CNST: variants seen among roughly 807,000 people sequenced by gnomAD.
The protein encoded by CNST is consortin.
A neutral mutation model predicts 72.4 loss-of-function variants in CNST; 39 were observed. That is an observed-to-expected ratio of 0.54 (90% confidence interval 0.42 to 0.70). The LOEUF is 0.70. Among genes scored for constraint, CNST ranks in the 30% least tolerant of loss-of-function variants. The probability of loss-of-function intolerance (pLI) is 0.00; values close to 1 mark genes in which losing one functional copy is unlikely to be tolerated. For synonymous variants in CNST, 332 were observed against 320.1 expected, an observed-to-expected ratio of 1.04 and a Z score of -0.40; for missense variants, 871 against 868.5, an observed-to-expected ratio of 1.00 and a Z score of -0.04.
Position 246,647,979 on chromosome 1 carries a change from C to G in CNST, c.1778C>G (p.Pro593Arg). ...EASYSLQENL[P>R]SDESCLSLDD... ...TCCTATAGTCTCCAGGAGAATCTGC[C>G]TTCTGATGAGAGCTGTCTTTCTCTT... Residue 593 changes from proline (P) to arginine (R), a missense_variant, in exon 9 of 11, where the codon CCT (proline) becomes CGT (arginine). Transcript: ENST00000366513. 6.2e-7 allele frequency: 1 copy of G among 1,613,736 alleles called. No homozygotes were observed.
At chr1:246,661,172 G>A (rs1221444251) in intron 10 of CNST, among the ~76,000 whole-genome samples, 5 of 151,906 alleles carry the variant, frequency 3.3e-5, no homozygotes, top group African/African-American at 1.2e-4. Context: ...GTTTCACCAT[G>A]TTGGTCAGGC....
At position 246,637,352 on chromosome 1, in the gene CNST, A is replaced by G. The variant is rs182986208; in HGVS notation, c.818+2765A>G. 3.4e-3 allele frequency among the ~76,000 whole-genome samples: 515 copies of G among 152,328 alleles called. 1 individual carries two copies. Among genetic ancestry groups the G allele is most frequent in the Non-Finnish European group, 4.2e-3 (288 of 68,028 alleles). On this transcript the variant is annotated intron_variant, in intron 6 of 10. Coordinates refer to ENST00000366513, the MANE Select transcript of CNST (RefSeq NM_152609.3). ...ACACGTCTGTGCCTGCAAGACAGTTATGTTGAGAGGACAAGGAGGTGTCGG... is the reference window on the plus strand; with the variant it reads ...ACACGTCTGTGCCTGCAAGACAGTTGTGTTGAGAGGACAAGGAGGTGTCGG...
chr1:246,653,234 C>T (rs1349877693), intron 9 of CNST, among the ~76,000 whole-genome samples: 3 of 152,154 alleles, frequency 2.0e-5, no homozygotes, highest in Non-Finnish European at 4.4e-5. Flanking sequence ...TGTGAGTTTT[C>T]TTCCCTGTTG....
chr1:246,601,878 G>C (rs990444057), intron 2 of CNST, among the ~76,000 whole-genome samples: 1 of 152,074 alleles, frequency 6.6e-6, no homozygotes, highest in Non-Finnish European at 1.5e-5. Flanking sequence ...CACATTCACT[G>C]TGTGTGTGTG....
chr1:246,586,661 C>A (rs894921679), intron 1 of CNST, among the ~76,000 whole-genome samples: 1 of 151,956 alleles, frequency 6.6e-6, no homozygotes, highest in Admixed American at 6.6e-5. Flanking sequence ...ACGATAATTT[C>A]TAATGGGGCG....
At chr1:246,664,879 A>T (rs573010704) in intron 10 of CNST, among the ~76,000 whole-genome samples, 74 of 152,238 alleles carry the variant, frequency 4.9e-4, no homozygotes, top group East Asian at 1.2e-3. Context: ...TGAAATTAAA[A>T]TTTTTTTTAA....
At chr1:246,662,464 C>T (rs1667150240) in intron 10 of CNST, among the ~76,000 whole-genome samples, 1 of 152,228 alleles carries the variant, frequency 6.6e-6, no homozygotes, top group Non-Finnish European at 1.5e-5. Flanking sequence ...TCTTGGCTCG[C>T]TGCAACCTCC....
intron 2 of CNST, among the ~76,000 whole-genome samples, chr1:246,596,753 C>T (rs1012039451): frequency 6.6e-6 from 1 of 152,200 alleles, no homozygotes; most frequent in Non-Finnish European, 1.5e-5. Flanking sequence ...TAACCTGAGG[C>T]AGCCATTAAT....
At chr1:246,586,852 C>T (rs1661232875) in intron 1 of CNST, among the ~76,000 whole-genome samples, 1 of 152,066 alleles carries the variant, frequency 6.6e-6, no homozygotes, top group African/African-American at 2.4e-5. Context: ...CTTAAAGTAG[C>T]AATTTGGTAT....
rs1012576867 is a variant in CNST at position 246,661,427 on chromosome 1, T to C, written c.1972+1093T>C. Among the ~76,000 whole-genome samples the C allele has an allele frequency of 5.3e-5, 8 of 152,226 alleles. No homozygotes were observed. In the East Asian group the frequency reaches 1.3e-3, roughly 26 times the overall value. ...GCCACCATGCCCGGCTTGTCTTCTTTTCAGTGGACAATTAATACTCCTCCT... is the reference window on the plus strand; with the variant it reads ...GCCACCATGCCCGGCTTGTCTTCTTCTCAGTGGACAATTAATACTCCTCCT... On this transcript the variant is annotated intron_variant, in intron 10 of 10. Coordinates refer to ENST00000366513, the MANE Select transcript of CNST (RefSeq NM_152609.3).
At chr1:246,583,769 G>T (rs917910855) in intron 1 of CNST, among the ~76,000 whole-genome samples, 4 of 152,198 alleles carry the variant, frequency 2.6e-5, no homozygotes, top group Non-Finnish European at 5.9e-5. Flanking sequence ...GTAAGACAAA[G>T]AATTAGCACT....
intron 2 of CNST, among the ~76,000 whole-genome samples, chr1:246,595,682 C>A (rs559908925): frequency 5.9e-5 from 9 of 151,776 alleles, no homozygotes; most frequent in South Asian, 2.1e-4. Context: ...CAGTTGCAAA[C>A]CAGAAATGCA....
chr1:246,602,874 TTAGA>T (rs1010622841), intron 2 of CNST, among the ~76,000 whole-genome samples: 2 of 142,142 alleles, frequency 1.4e-5, no homozygotes, highest in African/African-American at 2.5e-5. Flanking sequence ...GACAGCCCAG[TTAGA>T]TAGTTTTCTT....
intron 1 of CNST, among the ~76,000 whole-genome samples, chr1:246,572,098 GAC>G (rs1295658510): frequency 3.9e-5 from 6 of 152,122 alleles, no homozygotes; most frequent in African/African-American, 1.4e-4. Flanking sequence ...CCATGCCTGG[GAC>G]TCACGCCTGT....
intron 9 of CNST, among the ~76,000 whole-genome samples, chr1:246,656,471 T>TTA (rs1666777943): frequency 6.6e-6 from 1 of 152,196 alleles, no homozygotes; most frequent in South Asian, 2.1e-4. Flanking sequence ...ATTACATTAA[T>TTA]TATAGCTCAG....
At position 246,591,547 on chromosome 1, in the gene CNST, A is replaced by G; in HGVS notation, c.-16A>G. ...TCTTTAATGTAACTTTAAATGGTTC[A>G]CCAAAGGATGCTCTAATGGATGACA... On this transcript the variant is annotated 5_prime_UTR_variant, in exon 2 of 11. Coordinates refer to ENST00000366513, the MANE Select transcript of CNST (RefSeq NM_152609.3). 1 of 1,613,936 alleles carries G rather than the reference A, an allele frequency of 6.2e-7. No individual in the cohort carries two copies. Among genetic ancestry groups the G allele is most frequent in the Middle Eastern group, 1.7e-4 (1 of 6,056 alleles).
At chr1:246,642,169 G>A in intron 8 of CNST, 132 bp downstream of exon 8, 1 of 390,818 alleles carries the variant, frequency 2.6e-6, no homozygotes. Context: ...TTACATTTTT[G>A]TACATATACC....
chr1:246,572,070 G>C (rs192658782), intron 1 of CNST, among the ~76,000 whole-genome samples: 72 of 152,154 alleles, frequency 4.7e-4, no homozygotes, highest in African/African-American at 1.7e-3. Flanking sequence ...TTTAAAAATG[G>C]TTTTTGGCCA....
intron 2 of CNST, among the ~76,000 whole-genome samples, chr1:246,598,240 C>A (rs1662021457): frequency 6.6e-6 from 1 of 151,830 alleles, no homozygotes; most frequent in East Asian, 1.9e-4. Context: ...CAGCTTTGGC[C>A]CCCTAAAGTG....
Sources: allele counts gnomAD v4.1 joint callset (sites outside exome capture counted in the v4.1 genomes callset), GRCh38; gene constraint gnomAD v4.1.1; transcripts MANE v1.5; gene names NCBI Gene and HGNC (gene_info 2026-07-23, HGNC 2026-07-21).